The following MCPH1 variants were observed in gnomAD, a reference collection of about 807,000 sequenced individuals.
MCPH1 encodes microcephalin.
MCPH1 carries 104 observed loss-of-function variants against 84.5 expected under a neutral mutation model. The ratio of observed to expected loss-of-function variants is 1.23; its 90% CI spans 1.05 to 1.45. The LOEUF (loss-of-function observed/expected upper bound fraction) is 1.45. Among genes scored for constraint, MCPH1 ranks in the 40% most tolerant of loss-of-function variants. The pLI is 0.00. For missense variants in MCPH1, 1,498 were observed against 1,005.7 expected (o/e 1.49, Z -6.62); for synonymous variants, 514 against 366.8 (o/e 1.40, Z -4.58).
intron 12 of MCPH1, among the ~76,000 whole-genome samples, chr8:6,593,194 G>C (rs2515536): frequency 1 from 150,831 of 151,560 alleles, 75,056 homozygotes; most frequent in Middle Eastern, 1. Context: ...AGTGATTCTC[G>C]TGCCTCAGCC....
At position 6,480,805 on chromosome 8, in the gene MCPH1, G is replaced by A. The variant is rs779193283; in HGVS notation, c.2065G>A (p.Gly689Arg). 13 of 1,613,996 alleles carry A rather than the reference G, an allele frequency of 8.1e-6. No individual in the cohort carries two copies. The highest frequency in any genetic ancestry group is 3.3e-4 in the Middle Eastern group (2 of 6,082). The stretch of plus-strand genomic sequence containing the variant: ...TGAGACCACGACTCACGTGCTTTCC[G>A]GGAAGCCACTTCGCACCCTGAATGT... ...VCETTTHVLSGKPLRTLNVLL... is the reference protein window; with the variant it reads ...VCETTTHVLSRKPLRTLNVLL... Residue 689 changes from glycine (G) to arginine (R), a missense_variant, in exon 11 of 14, where the codon GGG becomes AGG. Coordinates refer to ENST00000344683, the MANE Select transcript of MCPH1 (RefSeq NM_024596.5).
intron 12 of MCPH1, among the ~76,000 whole-genome samples, chr8:6,561,600 C>T (rs894179217): frequency 1.3e-5 from 2 of 152,216 alleles, no homozygotes; most frequent in Admixed American, 6.5e-5. Flanking sequence ...AAAGACTTTA[C>T]ATAGCTTTAG....
chr8:6,427,217 C>G (rs1801186052), intron 3 of MCPH1, among the ~76,000 whole-genome samples: 1 of 152,188 alleles, frequency 6.6e-6, no homozygotes, highest in African/African-American at 2.4e-5. Flanking sequence ...ATTGAGCTCG[C>G]TAGACTGGAA....
rs1388051980 is a variant in MCPH1 at position 6,442,151 on chromosome 8, G to A, written c.665G>A (p.Cys222Tyr). The change falls in exon 7 of 14, where the codon TGT becomes TAT. Residue 222 changes from cysteine (C) to tyrosine (Y), a missense_variant. Coordinates refer to ENST00000344683, the MANE Select transcript of MCPH1 (RefSeq NM_024596.5). Reference sequence around the variant, plus strand: ...TTGAACATTTCACGTGATACTTTGTGTTCAGGTAAAATTTTTATTTTCCTT... The same window carrying A: ...TTGAACATTTCACGTGATACTTTGTATTCAGGTAAAATTTTTATTTTCCTT... ...APLNISRDTL[C>Y]SDEYFAGGLH... 1 of 1,601,194 alleles carries A rather than the reference G, an allele frequency of 6.2e-7. No individual in the cohort carries two copies. Among genetic ancestry groups the A allele is most frequent in the Non-Finnish European group, 8.6e-7 (1 of 1,168,452 alleles).
rs1269534357 is a variant in MCPH1 at position 6,563,268 on chromosome 8, T to C, written c.2215-58186T>C. 2.1e-5 allele frequency: 4 copies of C among 188,084 alleles called. No individual in the cohort carries two copies. In the East Asian group the frequency reaches 4.9e-4, roughly 23 times the overall value. The allele number at this position is 188,084 out of a possible 1,614,324, so 11.7% of individuals were successfully genotyped here. On this transcript the variant is annotated intron_variant, in intron 12 of 13. Coordinates refer to ENST00000344683, the MANE Select transcript of MCPH1 (RefSeq NM_024596.5). Reference sequence around the variant, plus strand: ...AGTATCCGAATCAATCACTTTCCTTTCCTTATATGATAAGTTGATAAGAGC... The same window carrying C: ...AGTATCCGAATCAATCACTTTCCTTCCCTTATATGATAAGTTGATAAGAGC...
Position 6,553,288 on chromosome 8 carries a change from C to A in MCPH1, c.2214+53359C>A, listed in dbSNP as rs558827968. ...TAAAAAACATAGTCTTTTAAAAAATCATTTACTACATATGAAAAGGAACAA... is the reference window on the plus strand; with the variant it reads ...TAAAAAACATAGTCTTTTAAAAAATAATTTACTACATATGAAAAGGAACAA... On this transcript the variant is annotated intron_variant, in intron 12 of 13. Transcript: ENST00000344683. Among the ~76,000 whole-genome samples the A allele has an allele frequency of 1.9e-4, 29 of 152,228 alleles. No individual in the cohort carries two copies. The South Asian group carries it at 4.1e-3, about 22-fold the overall frequency.
intron 13 of MCPH1, among the ~76,000 whole-genome samples, chr8:6,622,571 C>G (rs535948883): frequency 2.6e-5 from 4 of 152,322 alleles, no homozygotes; most frequent in African/African-American, 7.2e-5. Flanking sequence ...GGGCTGCCAT[C>G]GCAAAATACT....
intron 12 of MCPH1, among the ~76,000 whole-genome samples, chr8:6,504,201 C>T (rs1035150101): frequency 6.6e-6 from 1 of 151,258 alleles, no homozygotes. Flanking sequence ...GCCTGTAGTC[C>T]CAGCTACTCG....
chr8:6,415,970 C>T (rs181783432), intron 3 of MCPH1, among the ~76,000 whole-genome samples: 7 of 152,222 alleles, frequency 4.6e-5, no homozygotes, highest in African/African-American at 1.7e-4. Context: ...CTCAAATTTC[C>T]TTCAGTGACA....
intron 11 of MCPH1, among the ~76,000 whole-genome samples, chr8:6,494,748 A>T (rs551289864): frequency 3.9e-5 from 6 of 152,290 alleles, no homozygotes; most frequent in African/African-American, 1.4e-4. Flanking sequence ...GAGGGGAGAG[A>T]GGGATGGGGA....
chr8:6,431,210 A>G (rs543092191), intron 3 of MCPH1, among the ~76,000 whole-genome samples: 2 of 152,344 alleles, frequency 1.3e-5, no homozygotes, highest in South Asian at 2.1e-4. Flanking sequence ...TATGAGTACC[A>G]TGCACTAATA....
At chr8:6,571,590 CTTAA>C (rs1826662866) in intron 12 of MCPH1, among the ~76,000 whole-genome samples, 1 of 152,030 alleles carries the variant, frequency 6.6e-6, no homozygotes, top group Non-Finnish European at 1.5e-5. Flanking sequence ...AAATTTTTAT[CTTAA>C]TTATTGAGAA....
rs374999485 is a variant in MCPH1, at chr8:6,423,185, C to CTTTTTTTTTTTTT, written c.233+8306_233+8307insTTTTTTTTTTTTT. ...CTTAATCTTTTGGCATTTTTCTTTTCTTTTCTTTTTTTTTTTTTTTTTGAA... is the reference window on the plus strand; with the variant it reads ...CTTAATCTTTTGGCATTTTTCTTTTCTTTTTTTTTTTTTTTTTCTTTTTTTTTTTTTTTTTGAA... On this transcript the variant is annotated intron_variant, in intron 3 of 13. Coordinates refer to ENST00000344683, the MANE Select transcript of MCPH1 (RefSeq NM_024596.5). Among the ~76,000 whole-genome samples the CTTTTTTTTTTTTT allele has an allele frequency of 2.0e-4, 22 of 110,778 alleles. 2 individuals carry two copies. Among genetic ancestry groups the CTTTTTTTTTTTTT allele is most frequent in the Non-Finnish European group, 3.4e-4 (18 of 53,086 alleles). The allele number at this position is 110,778 out of a possible 152,430, so 72.7% of individuals were successfully genotyped here.
chr8:6,460,737 TG>T (rs1427558554), intron 9 of MCPH1, among the ~76,000 whole-genome samples: 4 of 152,190 alleles, frequency 2.6e-5, no homozygotes, highest in Admixed American at 1.3e-4. Flanking sequence ...GATCTGGAGC[TG>T]GGGTTCTGTC....
At chr8:6,524,992 A>G (rs928516533) in intron 12 of MCPH1, among the ~76,000 whole-genome samples, 1 of 152,234 alleles carries the variant, frequency 6.6e-6, no homozygotes, top group Admixed American at 6.5e-5. Flanking sequence ...CTAGGTGAAT[A>G]TCTATCTAAA....
At chr8:6,627,583 T>A (rs570895146) in intron 13 of MCPH1, among the ~76,000 whole-genome samples, 7 of 152,308 alleles carry the variant, frequency 4.6e-5, no homozygotes, top group Non-Finnish European at 1.0e-4. Flanking sequence ...ACATCTGAGA[T>A]GTTTAGGCTT....
intron 12 of MCPH1, among the ~76,000 whole-genome samples, chr8:6,553,406 G>C (rs931467595): frequency 6.6e-6 from 1 of 152,158 alleles, no homozygotes; most frequent in Non-Finnish European, 1.5e-5. Flanking sequence ...TGGTTACATA[G>C]TTAAAAGTAC....
intron 11 of MCPH1, among the ~76,000 whole-genome samples, chr8:6,496,433 C>T (rs552498040): frequency 1.6e-4 from 24 of 152,282 alleles, no homozygotes; most frequent in Non-Finnish European, 2.5e-4. Flanking sequence ...CCTAATAGGC[C>T]ACAGACTGGT....
intron 12 of MCPH1, chr8:6,618,876 C>A (rs530873755): frequency 1.3e-5 from 2 of 152,286 alleles, no homozygotes; most frequent in East Asian, 3.9e-4. Context: ...CAAGGCTTTC[C>A]GCCTTCCCAC....
Sources: allele counts gnomAD v4.1 joint callset (sites outside exome capture counted in the v4.1 genomes callset), GRCh38; gene constraint gnomAD v4.1.1; transcripts MANE v1.5; gene names NCBI Gene and HGNC (gene_info 2026-07-23, HGNC 2026-07-21).